The following UST variants were observed in gnomAD, a reference collection of about 807,000 sequenced individuals.
UST encodes the protein chondroitin sulfate 2-O-sulfotransferase.
Under a neutral mutation model 45.6 loss-of-function variants are expected in UST, and 21 were observed. That is an observed-to-expected ratio of 0.46 (90% CI 0.33 to 0.66). The LOEUF (loss-of-function observed/expected upper bound fraction) is 0.66, where lower values mean the gene tolerates loss of function less well. UST is among the 30% of genes least tolerant of loss of function. UST has a pLI of 0.02. For synonymous variants in UST, 215 were observed against 200.6 expected, an observed-to-expected ratio of 1.07 and a Z score of -0.61; for missense variants, 463 against 512.4, an observed-to-expected ratio of 0.90 and a Z score of 0.93.
chr6:148,754,485 A>G (rs1271474217), intron 1 of UST, among the ~76,000 whole-genome samples: 1 of 152,040 alleles, frequency 6.6e-6, no homozygotes, highest in East Asian at 1.9e-4. Context: ...TGAGTCCCCA[A>G]AGTCCATTGT....
At chr6:149,064,144 A>C (rs889960818) in intron 7 of UST, among the ~76,000 whole-genome samples, 8 of 152,278 alleles carry the variant, frequency 5.3e-5, no homozygotes, top group Admixed American at 5.2e-4. Context: ...ACTCCAGCAA[A>C]TGAATCAGAG....
intron 7 of UST, among the ~76,000 whole-genome samples, chr6:149,058,273 C>T (rs1404143023): frequency 6.6e-6 from 1 of 151,858 alleles, no homozygotes; most frequent in Admixed American, 6.6e-5. Context: ...CTGGCTTTAA[C>T]ATCATCAGGG....
At chr6:148,864,511 C>T (rs556739798) in intron 1 of UST, among the ~76,000 whole-genome samples, 17 of 152,312 alleles carry the variant, frequency 1.1e-4, no homozygotes, top group South Asian at 4.1e-4. Context: ...ATCCACTGTC[C>T]GACAAGCCCC....
At chr6:149,039,870 C>T (rs1041828297) in intron 7 of UST, among the ~76,000 whole-genome samples, 2 of 152,180 alleles carry the variant, frequency 1.3e-5, no homozygotes, top group East Asian at 3.9e-4. Flanking sequence ...AAGACAGGGG[C>T]CATGACCCGT....
intron 1 of UST, among the ~76,000 whole-genome samples, chr6:148,863,636 T>C (rs1319235599): frequency 6.6e-6 from 1 of 152,202 alleles, no homozygotes; most frequent in Non-Finnish European, 1.5e-5. Context: ...CTTTGTGGTT[T>C]TATCTACCTT....
intron 5 of UST, among the ~76,000 whole-genome samples, chr6:148,981,456 C>A (rs767918179): frequency 6.6e-6 from 1 of 152,206 alleles, no homozygotes; most frequent in Non-Finnish European, 1.5e-5. Flanking sequence ...TCCTTCCCAG[C>A]CTGACTGTCA....
chr6:149,024,920 T>C (rs531136124), intron 7 of UST, among the ~76,000 whole-genome samples: 2 of 152,246 alleles, frequency 1.3e-5, no homozygotes, highest in African/African-American at 2.4e-5. Context: ...CCATTTTTCT[T>C]TGGTGTTTGT....
chr6:148,949,144 A>C (rs900774113), intron 3 of UST, among the ~76,000 whole-genome samples: 1 of 151,948 alleles, frequency 6.6e-6, no homozygotes, highest in South Asian at 2.1e-4. Flanking sequence ...TACAAAAATT[A>C]GCTGGGCGTG....
chr6:148,894,613 G>A (rs1335322445), intron 2 of UST, among the ~76,000 whole-genome samples: 1 of 152,108 alleles, frequency 6.6e-6, no homozygotes, highest in Non-Finnish European at 1.5e-5. Flanking sequence ...CTCCTGAACT[G>A]TGACGGTAAA....
chr6:148,887,173 C>A (rs563902476), intron 2 of UST, 144 bp downstream of exon 2: 1 of 688,878 alleles, frequency 1.5e-6, no homozygotes, highest in Non-Finnish European at 2.5e-6. Context: ...TAACTTCTAA[C>A]AAGGAGGAAG....
At chr6:149,015,589 TAAAC>T (rs1775885655) in intron 5 of UST, among the ~76,000 whole-genome samples, 1 of 152,144 alleles carries the variant, frequency 6.6e-6, no homozygotes, top group African/African-American at 2.4e-5. Context: ...GTGACAATCT[TAAAC>T]AAAAGTTTGA....
At chr6:148,756,641 A>G (rs1485612819) in intron 1 of UST, among the ~76,000 whole-genome samples, 1 of 151,810 alleles carries the variant, frequency 6.6e-6, no homozygotes, top group African/African-American at 2.4e-5. Flanking sequence ...GGATCTCTAA[A>G]CTCCTGTAAG....
intron 1 of UST, among the ~76,000 whole-genome samples, chr6:148,856,192 GT>G (rs1169855783): frequency 1.3e-5 from 2 of 151,856 alleles, no homozygotes; most frequent in Non-Finnish European, 2.9e-5. Context: ...AATTTTTGTA[GT>G]TTTTAGTAGA....
intron 7 of UST, among the ~76,000 whole-genome samples, chr6:149,026,133 G>A (rs191777551): frequency 2.0e-5 from 3 of 146,362 alleles, no homozygotes; most frequent in African/African-American, 7.5e-5. Context: ...AGGTGACAGT[G>A]TGAGACTCCA....
intron 2 of UST, among the ~76,000 whole-genome samples, chr6:148,925,121 C>T (rs1263850914): frequency 6.6e-6 from 1 of 152,074 alleles, no homozygotes; most frequent in East Asian, 1.9e-4. Flanking sequence ...TCCTTCTGTA[C>T]TAAACATGAT....
intron 1 of UST, among the ~76,000 whole-genome samples, chr6:148,817,635 A>G (rs1236767846): frequency 6.6e-6 from 1 of 152,238 alleles, no homozygotes; most frequent in Non-Finnish European, 1.5e-5. Flanking sequence ...ACCTGGGATC[A>G]ATAGAAAGGA....
intron 1 of UST, among the ~76,000 whole-genome samples, chr6:148,793,694 C>T (rs1305742976): frequency 1.3e-5 from 2 of 152,110 alleles, no homozygotes; most frequent in Admixed American, 6.6e-5. Flanking sequence ...ATCTTGTGGG[C>T]CCATCATTGT....
chr6:148,956,827 C>T (rs1780521326), intron 4 of UST, among the ~76,000 whole-genome samples: 2 of 152,160 alleles, frequency 1.3e-5, no homozygotes, highest in South Asian at 4.1e-4. Flanking sequence ...GTTTTCCTTG[C>T]CTTTGGGAGA....
At chr6:149,017,193 C>G (rs1031462169) in intron 5 of UST, among the ~76,000 whole-genome samples, 1 of 152,078 alleles carries the variant, frequency 6.6e-6, no homozygotes, top group Non-Finnish European at 1.5e-5. Context: ...GTGGCTAACA[C>G]GGTGAAACCC....
Sources: gnomAD v4.1 joint callset for allele counts (sites outside exome capture counted in the v4.1 genomes callset) on GRCh38, gnomAD v4.1.1 for gene constraint, MANE v1.5 for transcripts, NCBI Gene and HGNC (gene_info 2026-07-23, HGNC 2026-07-21) for gene names.